TIAM1: variants seen among roughly 807,000 people sequenced by gnomAD.
TIAM1 encodes rho guanine nucleotide exchange factor TIAM1.
In TIAM1, 65 loss-of-function variants were observed where a neutral mutation model predicts 163.5. The ratio of observed to expected loss-of-function variants is 0.40; its 90% CI spans 0.33 to 0.49. The LOEUF is 0.49. Ranked by LOEUF, TIAM1 falls within the 20% of genes least tolerant of loss-of-function variation. The probability of loss-of-function intolerance (pLI) is 0.77; values close to 1 mark genes in which losing one functional copy is unlikely to be tolerated. For synonymous variants in TIAM1, 833 were observed against 810.1 expected (o/e 1.03, Z -0.48); for missense variants, 1,789 against 2,044.7 (o/e 0.87, Z 2.41).
chr21:31,282,989 C>A (rs112482584), intron 2 of TIAM1, among the ~76,000 whole-genome samples: 1,740 of 152,304 alleles, frequency 0.011, 46 homozygotes, highest in African/African-American at 0.04. Context: ...TATCTAAAAT[C>A]ATAACTTTAA....
chr21:31,541,224 A>AG (rs1252593508), intron 1 of TIAM1, among the ~76,000 whole-genome samples: 1 of 152,234 alleles, frequency 6.6e-6, no homozygotes, highest in African/African-American at 2.4e-5. Context: ...TGGGAGGCTG[A>AG]GGCGGGCAGA....
intron 14 of TIAM1, 23 bp downstream of exon 14, chr21:31,186,978 C>T: frequency 6.2e-7 from 1 of 1,607,760 alleles, no homozygotes; most frequent in Non-Finnish European, 8.5e-7. Flanking sequence ...GACAGACAGA[C>T]CAGCCCTCCT....
intron 2 of TIAM1, among the ~76,000 whole-genome samples, chr21:31,446,007 C>A (rs922016236): frequency 6.6e-6 from 1 of 152,132 alleles, no homozygotes; most frequent in Admixed American, 6.6e-5. Flanking sequence ...GTGGCACGAT[C>A]TCAGCTCACT....
At chr21:31,359,409 T>C (rs965613788) in intron 2 of TIAM1, among the ~76,000 whole-genome samples, 2 of 152,212 alleles carry the variant, frequency 1.3e-5, no homozygotes, top group Non-Finnish European at 2.9e-5. Context: ...GAACAAATAG[T>C]ATTTGCTCTT....
chr21:31,154,335 T>G lies in TIAM1; in HGVS notation c.3083A>C (p.Gln1028Pro). 1 of 1,614,154 alleles carries G rather than the reference T, an allele frequency of 6.2e-7. No homozygotes were observed. The highest frequency in any genetic ancestry group is 8.5e-7 in the Non-Finnish European group (1 of 1,180,026). The change falls in exon 17 of 28, where the codon CAG becomes CCG. Residue 1028 changes from glutamine to proline, a missense_variant. This residue lies in a region of TIAM1 where 303 missense variants were observed against 321.3 expected (regional missense o/e 0.94). Coordinates refer to ENST00000541036, the MANE Select transcript of TIAM1 (RefSeq NM_001353694.2). ...SPSPQDSTGPQLATMRQLSDA... is the reference protein window; with the variant it reads ...SPSPQDSTGPPLATMRQLSDA... ...CGAGAGTTGTCTCATGGTCGCCAGC[T>G]GAGGCCCCGTGGAGTCCTGAGGAGA...
At chr21:31,131,203 G>C (rs1307013549) in intron 23 of TIAM1, among the ~76,000 whole-genome samples, 2 of 152,134 alleles carry the variant, frequency 1.3e-5, no homozygotes, top group Non-Finnish European at 2.9e-5. Flanking sequence ...AAAAACTTTT[G>C]CGTAAAATAT....
intron 8 of TIAM1, among the ~76,000 whole-genome samples, chr21:31,219,802 T>G (rs1281655503): frequency 1.3e-5 from 2 of 151,508 alleles, no homozygotes; most frequent in Non-Finnish European, 2.9e-5. Context: ...AAGACACTGG[T>G]GAGAATTTTC....
intron 15 of TIAM1, among the ~76,000 whole-genome samples, chr21:31,173,008 T>C (rs2084588975): frequency 6.6e-6 from 1 of 152,196 alleles, no homozygotes; most frequent in South Asian, 2.1e-4. Flanking sequence ...AATCAGTACC[T>C]CTGACGCACC....
intron 1 of TIAM1, among the ~76,000 whole-genome samples, chr21:31,487,804 G>T (rs556598040): frequency 6.6e-6 from 1 of 151,738 alleles, no homozygotes; most frequent in Non-Finnish European, 1.5e-5. Context: ...TGATCCACCC[G>T]CCTCGGCCTC....
In TIAM1 at chr21:31,377,131, A is replaced by C. The variant is rs573198106; in HGVS notation, c.-368-37709T>G. Among the ~76,000 whole-genome samples, 9 of 139,656 alleles carry C rather than the reference A, an allele frequency of 6.4e-5. No homozygotes were observed. In the South Asian group the frequency reaches 1.6e-3, roughly 24 times the overall value. 91.6% of individuals were successfully genotyped at this position (139,656 alleles called of 152,430 possible). A position where few individuals can be genotyped will look rare whatever the true frequency, so the allele number is the denominator to read the frequency against. On this transcript the variant is annotated intron_variant, in intron 2 of 28. Transcript: ENST00000286827. Reference sequence around the variant, plus strand: ...TGACCTCAAGTGATCTGCCCACCTCAGCTTCCCAAAGTGCTACGATTACAG... The same window carrying C: ...TGACCTCAAGTGATCTGCCCACCTCCGCTTCCCAAAGTGCTACGATTACAG...
At chr21:31,271,966 A>T (rs968581064) in intron 3 of TIAM1, among the ~76,000 whole-genome samples, 6 of 152,204 alleles carry the variant, frequency 3.9e-5, no homozygotes, top group African/African-American at 1.4e-4. Flanking sequence ...AATCCCACCA[A>T]ATTAAATGCA....
intron 2 of TIAM1, among the ~76,000 whole-genome samples, chr21:31,423,195 T>C (rs2043645589): frequency 6.7e-6 from 1 of 149,482 alleles, no homozygotes; most frequent in Admixed American, 6.8e-5. Flanking sequence ...GCCTCCCGGG[T>C]TCACGCCATT....
chr21:31,404,967 G>A (rs1421807495), intron 2 of TIAM1, among the ~76,000 whole-genome samples: 1 of 151,510 alleles, frequency 6.6e-6, no homozygotes, highest in Admixed American at 6.6e-5. Context: ...TACAGGCCAG[G>A]CATAGTGGGC....
chr21:31,477,431 A>G (rs1032024977), intron 1 of TIAM1, among the ~76,000 whole-genome samples: 1 of 147,900 alleles, frequency 6.8e-6, no homozygotes, highest in Non-Finnish European at 1.5e-5. Flanking sequence ...CGCATTCCCC[A>G]CCTTTTCAAA....
chr21:31,364,726 T>C (rs1016304659), intron 2 of TIAM1, among the ~76,000 whole-genome samples: 1 of 152,094 alleles, frequency 6.6e-6, no homozygotes, highest in Non-Finnish European at 1.5e-5. Context: ...GATGGATGGA[T>C]GGACGAATGG....
rs201869375 is a variant in TIAM1, at chr21:31,396,680, T to A, written c.-368-57258A>T. ...AAACAAAATATTGGGCCAGGCGCGGTGGCTCATGCCTGTAATGCCAGCACT... is the reference window on the plus strand; with the variant it reads ...AAACAAAATATTGGGCCAGGCGCGGAGGCTCATGCCTGTAATGCCAGCACT... On this transcript the variant is annotated intron_variant, in intron 2 of 28. Coordinates refer to the TIAM1 transcript ENST00000286827. Among the ~76,000 whole-genome samples the A allele has an allele frequency of 6.4e-4, 97 of 151,566 alleles. No individual in the cohort carries two copies. The East Asian group carries it at 8.1e-3, about 13-fold the overall frequency.
rs148812862 is a variant in TIAM1 at position 31,178,782 on chromosome 21, G to A, written c.2887+3639C>T. Among the ~76,000 whole-genome samples, 546 of 151,722 alleles carry A rather than the reference G, an allele frequency of 3.6e-3. 2 individuals carry two copies. The highest frequency in any genetic ancestry group is 5.5e-3 in the Non-Finnish European group (377 of 67,946). On this transcript the variant is annotated intron_variant, in intron 15 of 27. Coordinates refer to ENST00000541036, the MANE Select transcript of TIAM1 (RefSeq NM_001353694.2). Reference sequence around the variant, plus strand: ...GATTTTTCTTTTTTGATGGAGTTTCGCTCTTGTTGCCCAGACTGGAGTGCA... The same window carrying A: ...GATTTTTCTTTTTTGATGGAGTTTCACTCTTGTTGCCCAGACTGGAGTGCA...
At chr21:31,154,108 T>C in intron 17 of TIAM1, 139 bp downstream of exon 17, 2 of 960,806 alleles carry the variant, frequency 2.1e-6, no homozygotes. Context: ...ACATTCAGAG[T>C]ATAGGCAAAA....
At chr21:31,556,774 CTTAAGTT>C (rs1436781851) in intron 1 of TIAM1, among the ~76,000 whole-genome samples, 3 of 152,206 alleles carry the variant, frequency 2.0e-5, no homozygotes, top group Non-Finnish European at 4.4e-5. Context: ...CAGCCTCTTC[CTTAAGTT>C]TTATTTCTCC....
Sources: gnomAD v4.1 joint callset for allele counts (sites outside exome capture counted in the v4.1 genomes callset) on GRCh38, gnomAD v4.1.1 for gene constraint, gnomAD v4.1.1 regional missense constraint, MANE v1.5 for transcripts, NCBI Gene and HGNC (gene_info 2026-07-23, HGNC 2026-07-21) for gene names.